The following TMEM132B variants were observed in gnomAD, a reference collection of about 807,000 sequenced individuals.
TMEM132B encodes transmembrane protein 132B.
In TMEM132B, 18 loss-of-function variants were observed where a neutral mutation model predicts 90.8. The ratio of observed to expected loss-of-function variants is 0.20; its 90% CI spans 0.14 to 0.29. TMEM132B has a LOEUF of 0.29. Among genes scored for constraint, TMEM132B ranks in the 10% least tolerant of loss-of-function variants. The pLI is 1.00. For synonymous variants in TMEM132B, 504 were observed against 523.3 expected (o/e 0.96, Z 0.50); for missense variants, 1,096 against 1,326.8 (o/e 0.83, Z 2.70).
chr12:125,228,587 G>A (rs1805095464), intron 1 of TMEM132B, among the ~76,000 whole-genome samples: 1 of 152,216 alleles, frequency 6.6e-6, no homozygotes, highest in Non-Finnish European at 1.5e-5. Flanking sequence ...AGGGCTGGTG[G>A]GCGGAGCTGG....
intron 5 of TMEM132B, among the ~76,000 whole-genome samples, chr12:125,609,101 C>G (rs1256512746): frequency 6.6e-6 from 1 of 152,150 alleles, no homozygotes; most frequent in African/African-American, 2.4e-5. Flanking sequence ...GAGACTCACT[C>G]ATTGTCTCAA....
In TMEM132B at chr12:125,432,538, G is replaced by T. The variant is rs1241350397; in HGVS notation, c.1106+16861G>T. 6.4e-3 allele frequency among the ~76,000 whole-genome samples: 522 copies of T among 81,886 alleles called. 43 individuals are homozygous for T. Among genetic ancestry groups the T allele is most frequent in the Non-Finnish European group, 7.0e-3 (289 of 41,362 alleles). 53.7% of individuals were successfully genotyped at this position (81,886 alleles called of 152,430 possible). A position where few individuals can be genotyped will look rare whatever the true frequency, so the allele number is the denominator to read the frequency against. ...ATATATATATATATATAGAGAGAGAGAGAGAGAGAGAGAGAGAGAGAGAGA... is the reference window on the plus strand; with the variant it reads ...ATATATATATATATATAGAGAGAGATAGAGAGAGAGAGAGAGAGAGAGAGA... On this transcript the variant is annotated intron_variant, in intron 3 of 8. Coordinates refer to ENST00000682704, the MANE Select transcript of TMEM132B (RefSeq NM_001366854.1).
chr12:125,327,788 C>A (rs1205481217), intron 1 of TMEM132B, among the ~76,000 whole-genome samples: 1 of 151,950 alleles, frequency 6.6e-6, no homozygotes, highest in Non-Finnish European at 1.5e-5. Flanking sequence ...CTTCTATAGT[C>A]CAAGGTTTTA....
At chr12:125,382,733 A>G (rs1009408285) in intron 2 of TMEM132B, among the ~76,000 whole-genome samples, 8 of 152,244 alleles carry the variant, frequency 5.3e-5, no homozygotes, top group Non-Finnish European at 1.0e-4. Flanking sequence ...CAGTTCAATA[A>G]CATTGCTCTT....
In TMEM132B at chr12:125,648,069, A is replaced by G. The variant is rs867761116; in HGVS notation, c.1644-2614A>G. 4.5e-3 allele frequency among the ~76,000 whole-genome samples: 258 copies of G among 56,708 alleles called. 2 individuals carry two copies. The highest frequency in any genetic ancestry group is 0.019 in the African/African-American group (233 of 12,518). The allele number at this position is 56,708 out of a possible 152,430, so 37.2% of individuals were successfully genotyped here. Reference sequence around the variant, plus strand: ...CCCTCCCCCCTCCCCCCACCCCATCACAGTCCCCAGAGTGTGATATTCCCC... The same window carrying G: ...CCCTCCCCCCTCCCCCCACCCCATCGCAGTCCCCAGAGTGTGATATTCCCC... On this transcript the variant is annotated intron_variant, in intron 6 of 8. Transcript: ENST00000682704.
chr12:125,488,936 G>T (rs2136551025), intron 3 of TMEM132B, among the ~76,000 whole-genome samples: 1 of 152,350 alleles, frequency 6.6e-6, no homozygotes, highest in South Asian at 2.1e-4. Context: ...ATTCGTAGAT[G>T]AAATTCTAGC....
At position 125,349,716 on chromosome 12, in the gene TMEM132B, C is replaced by A. The variant is rs759306354; in HGVS notation, c.332C>A (p.Thr111Lys). The change falls in exon 2 of 9, where the codon ACA (threonine) becomes AAA (lysine). Residue 111 changes from threonine to lysine, a missense_variant. Coordinates refer to ENST00000682704, the MANE Select transcript of TMEM132B (RefSeq NM_001366854.1). This position sits in a 1 kb window ranked among gnomAD's most constrained non-coding sequence, Gnocchi z 4.1. ...IIPQELLLTS[T>K]AFGNMDKFPF... The stretch of plus-strand genomic sequence containing the variant: ...CCCCAGGAGCTCCTGTTGACATCTA[C>A]AGCCTTTGGAAACATGGACAAATTT... The A allele has an allele frequency of 6.2e-7, 1 of 1,614,242 alleles. No individual in the cohort carries two copies. Among genetic ancestry groups the A allele is most frequent in the Non-Finnish European group, 8.5e-7 (1 of 1,180,048 alleles).
chr12:125,503,201 G>A (rs1329929071), intron 3 of TMEM132B, among the ~76,000 whole-genome samples: 1 of 152,212 alleles, frequency 6.6e-6, no homozygotes, highest in African/African-American at 2.4e-5. Context: ...GCTTAGTTGT[G>A]AGGCCCAAGC....
rs540868322 is a variant in TMEM132B at position 125,349,393 on chromosome 12, A to G, written c.68-59A>G. The G allele has an allele frequency of 3.9e-6, 6 of 1,540,322 alleles. No individual in the cohort carries two copies. In the South Asian group the frequency reaches 5.2e-5, roughly 13 times the overall value. On this transcript the variant is annotated intron_variant, in intron 1 of 8. Coordinates refer to ENST00000682704, the MANE Select transcript of TMEM132B (RefSeq NM_001366854.1). The surrounding 1 kb of genome is among the most constrained non-coding windows in gnomAD (Gnocchi z 4.1). ...GGGAGGTGGGTGGAGACTGCACTGC[A>G]TTTATTTCATTACATCTCAGAACAC... is the stretch of plus-strand genomic sequence containing the variant.
At position 125,340,833 on chromosome 12, in the gene TMEM132B, C is replaced by T. The variant is rs931401534; in HGVS notation, c.68-8619C>T. Among the ~76,000 whole-genome samples, 11 of 152,336 alleles carry T rather than the reference C, an allele frequency of 7.2e-5. No homozygotes were observed. In the South Asian group the frequency reaches 1.0e-3, roughly 14 times the overall value. On this transcript the variant is annotated intron_variant, in intron 1 of 8. Coordinates refer to ENST00000682704, the MANE Select transcript of TMEM132B (RefSeq NM_001366854.1). ...GCCCTCTGGAAAACTGCTTTTGCTT[C>T]GTTGTCCATAGTTGTTATAGGCCCA...
At chr12:125,346,147 A>C (rs1877355585) in intron 1 of TMEM132B, among the ~76,000 whole-genome samples, 2 of 152,306 alleles carry the variant, frequency 1.3e-5, no homozygotes, top group Non-Finnish European at 1.5e-5. Context: ...TAAACCTTAC[A>C]CTGCTATTTC....
intron 3 of TMEM132B, among the ~76,000 whole-genome samples, chr12:125,431,890 G>A (rs748933857): frequency 1.3e-5 from 2 of 152,166 alleles, no homozygotes; most frequent in African/African-American, 2.4e-5. Context: ...GAAGCCTGGG[G>A]ACTCTTGAGA....
At chr12:125,420,104 C>T (rs1880127989) in intron 3 of TMEM132B, among the ~76,000 whole-genome samples, 1 of 152,230 alleles carries the variant, frequency 6.6e-6, no homozygotes, top group African/African-American at 2.4e-5. Context: ...CTTTTCCAGG[C>T]ACACAGTGCA....
chr12:125,195,588 G>C (rs1035841997), intron 1 of TMEM132B, among the ~76,000 whole-genome samples: 1 of 151,790 alleles, frequency 6.6e-6, no homozygotes, highest in African/African-American at 2.4e-5. Context: ...TAGTAGAGAC[G>C]GGGTTTCACT....
chr12:125,206,332 G>A (rs1272110478), intron 1 of TMEM132B, among the ~76,000 whole-genome samples: 2 of 150,416 alleles, frequency 1.3e-5, no homozygotes, highest in Non-Finnish European at 3.0e-5. Context: ...TCCGCCTCCC[G>A]GGTTCACATG....
intron 3 of TMEM132B, among the ~76,000 whole-genome samples, chr12:125,502,589 C>G (rs113489678): frequency 0.011 from 1,624 of 152,308 alleles, 10 homozygotes; most frequent in Middle Eastern, 0.034. Flanking sequence ...AGTACTCTCG[C>G]GTGTTCAGAA....
chr12:125,636,770 G>A (rs1024617902), intron 5 of TMEM132B, among the ~76,000 whole-genome samples: 4 of 152,122 alleles, frequency 2.6e-5, no homozygotes, highest in African/African-American at 4.8e-5. Context: ...ACTGACTGCC[G>A]TTTCTCTCTG....
intron 5 of TMEM132B, among the ~76,000 whole-genome samples, chr12:125,613,270 G>A (rs1167854439): frequency 4.3e-5 from 6 of 139,930 alleles, no homozygotes; most frequent in Admixed American, 1.6e-4. Context: ...GGGTACATGA[G>A]ATACTTTCAT....
intron 4 of TMEM132B, among the ~76,000 whole-genome samples, chr12:125,563,979 G>T (rs1286648185): frequency 6.6e-6 from 1 of 152,178 alleles, no homozygotes; most frequent in African/African-American, 2.4e-5. Flanking sequence ...AAAACTGTGA[G>T]AGAATAAATT....
Sources: gnomAD v4.1 joint callset for allele counts (sites outside exome capture counted in the v4.1 genomes callset) on GRCh38, gnomAD v4.1.1 for gene constraint, Gnocchi (gnomAD v3.1) non-coding constraint, MANE v1.5 for transcripts, NCBI Gene and HGNC (gene_info 2026-07-23, HGNC 2026-07-21) for gene names.